RNF19B: variants seen among roughly 807,000 people sequenced by gnomAD.
The protein encoded by RNF19B is E3 ubiquitin-protein ligase RNF19B.
Under a neutral mutation model 65.5 loss-of-function variants are expected in RNF19B, and 23 were observed. That is an observed-to-expected ratio of 0.35 (90% CI 0.25 to 0.50). RNF19B has a LOEUF of 0.50. Ranked by LOEUF, RNF19B falls within the 20% of genes least tolerant of loss-of-function variation. The pLI is 0.98. For synonymous variants in RNF19B, 372 were observed against 379.6 expected (o/e 0.98, Z 0.23); for missense variants, 794 against 980.0 (o/e 0.81, Z 2.53).
chr1:32,929,185 C>T, the RNF19B span, among the ~76,000 whole-genome samples: 1 of 152,132 alleles, frequency 6.6e-6, no homozygotes, highest in Non-Finnish European at 1.5e-5. Flanking sequence ...TCCTTGGTGT[C>T]CCTTGGCCTC....
downstream of RNF19B, among the ~76,000 whole-genome samples, chr1:32,934,915 A>T (rs984136635): frequency 6.6e-6 from 1 of 151,854 alleles, no homozygotes; most frequent in Non-Finnish European, 1.5e-5. Flanking sequence ...TCACTGCAAC[A>T]TCCGCCTCCC....
At position 32,945,615 on chromosome 1, in the gene RNF19B, T is replaced by C. The variant is rs1014740093; in HGVS notation, c.1160A>G (p.Tyr387Cys). 3 of 1,606,900 alleles carry C rather than the reference T, an allele frequency of 1.9e-6. No individual in the cohort carries two copies. The highest frequency in any genetic ancestry group is 2.6e-6 in the Non-Finnish European group (3 of 1,173,374). ...GTGTTTGGAGGTTTTCCTTCCCTCA[T>C]ACCTGCTGTGAATCTAAGAATAAAA... ...VYVGRKIHSR[Y>C]EGRKTSKHKR... Residue 387 changes from tyrosine (Y) to cysteine (C), a missense_variant, in exon 5 of 9, where the codon TAT becomes TGT. By Grantham distance (194) the Tyr-to-Cys change is radical (BLOSUM62 -2). This residue lies in a region of RNF19B where 368 missense variants were observed against 447.3 expected (regional missense o/e 0.82). Coordinates refer to ENST00000235150, the MANE Select transcript of RNF19B (RefSeq NM_001300826.2).
intron 7 of RNF19B, among the ~76,000 whole-genome samples, chr1:32,940,119 A>C (rs765050430): frequency 3.9e-5 from 6 of 152,212 alleles, no homozygotes; most frequent in African/African-American, 1.2e-4. Flanking sequence ...AATGCAATGG[A>C]AAGTGCACAG....
At chr1:32,954,880 C>T (rs962686309) in intron 1 of RNF19B, among the ~76,000 whole-genome samples, 4 of 151,948 alleles carry the variant, frequency 2.6e-5, no homozygotes, top group Admixed American at 2.6e-4. Flanking sequence ...GGCGTAAAAA[C>T]ATCGTACACT....
Position 32,949,731 on chromosome 1 carries a change from T to C in RNF19B, c.679A>G (p.Thr227Ala), listed in dbSNP as rs747458911. ...AYGCASCPKL[T>A]CEREGCQTEF... The stretch of plus-strand genomic sequence containing the variant: ...GTCTGGCAACCTTCCCTCTCACAAG[T>C]TAGCTTCGGGCAGCTGGCACAGCCA... The change falls in exon 2 of 9, where the codon ACT becomes GCT. Residue 227 changes from threonine (T) to alanine (A), a missense_variant. Thr to Ala is a moderately conservative substitution (Grantham distance 58). This residue lies in a region of RNF19B where 374 missense variants were observed against 423.8 expected (regional missense o/e 0.88). Transcript: ENST00000235150. 2.0e-5 allele frequency: 32 copies of C among 1,613,796 alleles called. No individual in the cohort carries two copies. Among genetic ancestry groups the C allele is most frequent in the Non-Finnish European group, 2.5e-5 (29 of 1,180,008 alleles).
downstream of RNF19B, among the ~76,000 whole-genome samples, chr1:32,934,452 G>C (rs756251436): frequency 6.6e-6 from 1 of 152,112 alleles, no homozygotes; most frequent in Non-Finnish European, 1.5e-5. Flanking sequence ...AGGCTGAGGT[G>C]GGGGGAATCA....
intron 1 of RNF19B, among the ~76,000 whole-genome samples, chr1:32,961,158 C>T (rs576524367): frequency 1.3e-5 from 2 of 152,248 alleles, no homozygotes; most frequent in East Asian, 1.9e-4. Flanking sequence ...ATTAATTAAA[C>T]CTCTCAAGTC....
At chr1:32,938,196 T>C in intron 8 of RNF19B, 1 of 339,258 alleles carries the variant, frequency 2.9e-6, no homozygotes, top group Non-Finnish European at 5.2e-6. Flanking sequence ...AAAAGAAATC[T>C]CTAAAAATCA....
intron 1 of RNF19B, among the ~76,000 whole-genome samples, chr1:32,960,701 G>A (rs147007715): frequency 1.3e-5 from 2 of 152,104 alleles, no homozygotes; most frequent in Admixed American, 6.6e-5. Context: ...TAAGAACACA[G>A]AAGCTATTTT....
chr1:32,949,530 T>C lies in RNF19B; in HGVS notation c.841+39A>G, dbSNP rs554494189. 2.8e-5 allele frequency: 44 copies of C among 1,571,358 alleles called. No individual in the cohort carries two copies. The Admixed American group carries it at 4.3e-4, about 16-fold the overall frequency. ...TCAGCTATGGGCTCACATCATGAAA[T>C]ACCAAATAAAGAGACAATGAGATAA... On this transcript the variant is annotated intron_variant, in intron 2 of 8. Transcript: ENST00000235150.
intron 7 of RNF19B, 38 bp downstream of exon 7, chr1:32,942,214 T>C (rs1237564753): frequency 1.3e-5 from 20 of 1,536,236 alleles, no homozygotes; most frequent in Non-Finnish European, 1.8e-5. Flanking sequence ...CTTCTTATAA[T>C]TCTAACCATT....
downstream of RNF19B, among the ~76,000 whole-genome samples, chr1:32,934,232 C>T (rs969023245): frequency 2.0e-5 from 3 of 152,176 alleles, no homozygotes; most frequent in South Asian, 2.1e-4. Context: ...TCCAGACTTG[C>T]CATCCTCATT....
the RNF19B span, among the ~76,000 whole-genome samples, chr1:32,929,295 G>A: frequency 6.6e-6 from 1 of 152,098 alleles, no homozygotes; most frequent in African/African-American, 2.4e-5. Flanking sequence ...TACAACAATC[G>A]AATTAGGGGG....
At chr1:32,932,382 A>G (rs1000191161), downstream of RNF19B, among the ~76,000 whole-genome samples, 2 of 152,236 alleles carry the variant, frequency 1.3e-5, no homozygotes, top group Non-Finnish European at 2.9e-5. Context: ...TGCAGGAGCA[A>G]TAGCCAAAGT....
chr1:32,964,620 A>G lies in RNF19B; in HGVS notation c.66T>C (p.Pro22=). ...STSLHAAAPD[P]KCRSGGRRRR... is the part of the protein sequence containing the mutation. Reference sequence around the variant, plus strand: ...GGCGCCGGCCGCCGCTGCGGCACTTAGGGTCGGGTGCGGCCGCATGTAGCG... The same window carrying G: ...GGCGCCGGCCGCCGCTGCGGCACTTGGGGTCGGGTGCGGCCGCATGTAGCG... Residue 22 remains proline (P), a synonymous_variant, in exon 1 of 9, where the codon CCT becomes CCC. Coordinates refer to ENST00000235150, the MANE Select transcript of RNF19B (RefSeq NM_001300826.2). The surrounding 1 kb of genome is among the most constrained non-coding windows in gnomAD (Gnocchi z 6.5). The G allele has an allele frequency of 6.8e-7, 1 of 1,467,764 alleles. No individual in the cohort carries two copies. Among genetic ancestry groups the G allele is most frequent in the South Asian group, 1.3e-5 (1 of 78,064 alleles). The allele number at this position is 1,467,764 out of a possible 1,614,324, so 90.9% of individuals were successfully genotyped here. A position where few individuals can be genotyped will look rare whatever the true frequency, so the allele number is the denominator to read the frequency against.
chr1:32,962,634 CCTTGATATATAGG>C (rs1166258813), intron 1 of RNF19B, among the ~76,000 whole-genome samples: 13 of 152,204 alleles, frequency 8.5e-5, no homozygotes, highest in African/African-American at 1.2e-4. Context: ...TTCAAAACCA[CCTTGATATATAGG>C]CTACAATTAA....
intron 3 of RNF19B, 92 bp downstream of exon 3, chr1:32,948,130 A>G (rs1642410532): frequency 7.3e-7 from 1 of 1,373,710 alleles, no homozygotes; most frequent in Non-Finnish European, 1.0e-6. Context: ...TAAACCTGTA[A>G]TGAGAGAACG....
chr1:32,941,476 G>T (rs923877963), intron 7 of RNF19B, among the ~76,000 whole-genome samples: 8 of 152,062 alleles, frequency 5.3e-5, no homozygotes, highest in African/African-American at 1.9e-4. Flanking sequence ...GGAGGTGGAG[G>T]CTGCAGCGAG....
intron 6 of RNF19B, among the ~76,000 whole-genome samples, chr1:32,943,492 T>C (rs1642288586): frequency 6.6e-6 from 1 of 151,906 alleles, no homozygotes; most frequent in East Asian, 1.9e-4. Context: ...GGCACGTTGC[T>C]GTAGTCCCAG....
Sources: allele counts gnomAD v4.1 joint callset (sites outside exome capture counted in the v4.1 genomes callset), GRCh38; gene constraint gnomAD v4.1.1; regional missense constraint gnomAD v4.1.1; non-coding constraint Gnocchi (gnomAD v3.1); transcripts MANE v1.5; gene names NCBI Gene and HGNC (gene_info 2026-07-23, HGNC 2026-07-21).